The following ZFYVE16 variants were observed in gnomAD, a reference collection of about 807,000 sequenced individuals.
The protein encoded by ZFYVE16 is zinc finger FYVE domain-containing protein 16.
A neutral mutation model predicts 138.1 loss-of-function variants in ZFYVE16; 89 were observed. The observed-to-expected ratio is 0.64, with a 90% CI of 0.54 to 0.77. The LOEUF is 0.77. ZFYVE16 is among the 30% of genes least tolerant of loss of function. The pLI, the probability that ZFYVE16 is intolerant of heterozygous loss-of-function variation, is 0.00. For synonymous variants in ZFYVE16, 596 were observed against 618.3 expected (o/e 0.96, Z 0.53); for missense variants, 1,793 against 1,786.7 (o/e 1.00, Z -0.06).
intron 13 of ZFYVE16, 152 bp from the exon 14 acceptor site, chr5:80,456,793 A>AT: frequency 2.0e-6 from 2 of 1,014,124 alleles, no homozygotes; most frequent in Non-Finnish European, 2.8e-6. Context: ...AAGTGCTTTT[A>AT]TTTTAAAACA....
rs867871556 is a variant in ZFYVE16 at position 80,438,891 on chromosome 5, G to A, written c.2206G>A (p.Val736Ile). Residue 736 changes from valine to isoleucine, a missense_variant, in exon 4 of 19, where the codon GTT becomes ATT. Physicochemically the swap from Val to Ile is conservative, Grantham distance 29. Transcript: ENST00000505560. ...VPENTCKEGL[V>I]LGQKQPTWVP... Reference sequence around the variant, plus strand: ...TGAAAACACTTGCAAAGAAGGCTTGGTTTTGGGCCAGAAACAGCCTACTTG... The same window carrying A: ...TGAAAACACTTGCAAAGAAGGCTTGATTTTGGGCCAGAAACAGCCTACTTG... 1.9e-6 allele frequency: 3 copies of A among 1,614,056 alleles called. No individual in the cohort carries two copies. In the Middle Eastern group the frequency reaches 4.9e-4, roughly 266 times the overall value.
rs112502550 is a variant in ZFYVE16, at chr5:80,419,065, GT to G, written c.-93-8415del. ...GCTCCTTTGTCAAAGATCGGTGTGG[GT>G]TTTTTTTTTTTGGGGGGTCTTTTTT... On this transcript the variant is annotated intron_variant, in intron 1 of 18. Coordinates refer to ENST00000505560, the MANE Select transcript of ZFYVE16 (RefSeq NM_001284236.3). Among the ~76,000 whole-genome samples, 485 of 139,264 alleles carry G rather than the reference GT, an allele frequency of 3.5e-3. 1 individual carries two copies. The highest frequency in any genetic ancestry group is 0.011 in the African/African-American group (404 of 38,256). 91.4% of individuals were successfully genotyped at this position (139,264 alleles called of 152,430 possible).
chr5:80,449,484 T>G (rs1315552642), intron 8 of ZFYVE16, 107 bp from the exon 9 acceptor site: 3 of 1,199,692 alleles, frequency 2.5e-6, no homozygotes, highest in Admixed American at 2.6e-5. Flanking sequence ...TGCTTCTGTT[T>G]TTAAATTTGA....
intron 15 of ZFYVE16, among the ~76,000 whole-genome samples, chr5:80,465,400 GTTTTTTTTTT>G (rs3072097): frequency 0.026 from 689 of 26,810 alleles, 31 homozygotes; most frequent in African/African-American, 0.064. Flanking sequence ...CCTTTTCTTT[GTTTTTTTTTT>G]TTTTTTTTTT....
chr5:80,455,704 C>T lies in ZFYVE16; in HGVS notation c.3620C>T (p.Pro1207Leu), dbSNP rs1328264426. Residue 1207 changes from proline (P) to leucine (L), a missense_variant, in exon 12 of 19, where the codon CCT (proline) becomes CTT (leucine). Pro to Leu is a moderately conservative substitution (Grantham distance 98). Transcript: ENST00000505560. Reference protein sequence around the residue: ...LGAEYKAYPAPLTSIRGRKPL... With the variant: ...LGAEYKAYPALLTSIRGRKPL... ...TTCTTATGTATAGCATATCCTGCTCCTCTAACAAGCATCAGAGGCCGAAAA... is the reference window on the plus strand; with the variant it reads ...TTCTTATGTATAGCATATCCTGCTCTTCTAACAAGCATCAGAGGCCGAAAA... The T allele has an allele frequency of 6.2e-7, 1 of 1,601,944 alleles. No individual in the cohort carries two copies. Among genetic ancestry groups the T allele is most frequent in the Non-Finnish European group, 8.5e-7 (1 of 1,176,874 alleles).
At position 80,463,457 on chromosome 5, in the gene ZFYVE16, C is replaced by T. The variant is rs10155621; in HGVS notation, c.4024+3963C>T. 4.3e-3 allele frequency among the ~76,000 whole-genome samples: 662 copies of T among 152,332 alleles called. 7 individuals carry two copies. The highest frequency in any genetic ancestry group is 0.015 in the African/African-American group (643 of 41,578). On this transcript the variant is annotated intron_variant, in intron 15 of 18. Transcript: ENST00000505560. ...TGAGACTACACAAGGCAGCAAGACCCTGTACCTGGCCCACAAAACCATTTT... is the reference window on the plus strand; with the variant it reads ...TGAGACTACACAAGGCAGCAAGACCTTGTACCTGGCCCACAAAACCATTTT...
intron 1 of ZFYVE16, among the ~76,000 whole-genome samples, chr5:80,414,752 A>C (rs534103861): frequency 2.6e-5 from 4 of 152,298 alleles, no homozygotes; most frequent in African/African-American, 9.6e-5. Context: ...ATAATAAATA[A>C]ATTATACAAA....
chr5:80,436,527 T>C lies in ZFYVE16; in HGVS notation c.71-229T>C, dbSNP rs368174294. ...GGTCCCTGCACTTGTGACACTTACTTTCTAGTTAATTGAAACAGCCAATAA... is the reference window on the plus strand; with the variant it reads ...GGTCCCTGCACTTGTGACACTTACTCTCTAGTTAATTGAAACAGCCAATAA... On this transcript the variant is annotated intron_variant, in intron 3 of 18. Coordinates refer to ENST00000505560, the MANE Select transcript of ZFYVE16 (RefSeq NM_001284236.3). 1.1e-4 allele frequency among the ~76,000 whole-genome samples: 17 copies of C among 152,286 alleles called. 1 individual carries two copies. Among genetic ancestry groups the C allele is most frequent in the African/African-American group, 3.8e-4 (16 of 41,562 alleles).
intron 2 of ZFYVE16, among the ~76,000 whole-genome samples, chr5:80,429,519 G>A (rs563541961): frequency 3.3e-5 from 5 of 152,246 alleles, no homozygotes; most frequent in South Asian, 2.1e-4. Context: ...AAAGACCATC[G>A]ATGCTAGGAA....
At chr5:80,418,344 ACT>A (rs1414255763) in intron 1 of ZFYVE16, among the ~76,000 whole-genome samples, 1 of 116,118 alleles carries the variant, frequency 8.6e-6, no homozygotes, top group Non-Finnish European at 1.6e-5. Flanking sequence ...ACAGGGTCTG[ACT>A]CTGTTGCCTA....
chr5:80,443,089 T>G, intron 5 of ZFYVE16, 34 bp from the exon 6 acceptor site: 8 of 1,489,006 alleles, frequency 5.4e-6, no homozygotes, highest in Non-Finnish European at 7.1e-6. Context: ...CAAAAACATC[T>G]GAGATTTTAA....
At position 80,433,787 on chromosome 5, in the gene ZFYVE16, C is replaced by T. The variant is rs115928969; in HGVS notation, c.-39-322C>T. On this transcript the variant is annotated intron_variant, in intron 2 of 18. Coordinates refer to ENST00000505560, the MANE Select transcript of ZFYVE16 (RefSeq NM_001284236.3). Reference sequence around the variant, plus strand: ...AGTTTTTATGTGCATTATTTTTATGCGTTTGTAGTTTGATATGTTGTATTT... The same window carrying T: ...AGTTTTTATGTGCATTATTTTTATGTGTTTGTAGTTTGATATGTTGTATTT... Among the ~76,000 whole-genome samples, 292 of 151,442 alleles carry T rather than the reference C, an allele frequency of 1.9e-3. 2 individuals carry two copies. The highest frequency in any genetic ancestry group is 6.4e-3 in the African/African-American group (267 of 41,420).
In ZFYVE16 at chr5:80,436,745, C is replaced by G. The variant is rs746861949; in HGVS notation, c.71-11C>G. The G allele has an allele frequency of 3.8e-6, 6 of 1,591,760 alleles. No individual in the cohort carries two copies. The Admixed American group carries it at 1.1e-4, about 28-fold the overall frequency. The stretch of plus-strand genomic sequence containing the variant: ...TTAAGTCTCCCGAATAACACTGTTT[C>G]TCTATTTCAGATGAACAAGATTATC... On this transcript the variant is annotated splice_polypyrimidine_tract_variant and intron_variant, in intron 3 of 18. Coordinates refer to ENST00000505560, the MANE Select transcript of ZFYVE16 (RefSeq NM_001284236.3).
chr5:80,472,280 GA>G (rs1048117821), intron 15 of ZFYVE16, among the ~76,000 whole-genome samples: 6 of 151,380 alleles, frequency 4.0e-5, no homozygotes, highest in African/African-American at 1.5e-4. Flanking sequence ...TCACCTTGAA[GA>G]AATTATCCCC....
chr5:80,464,346 G>A (rs769308996), intron 15 of ZFYVE16, among the ~76,000 whole-genome samples: 2 of 152,118 alleles, frequency 1.3e-5, no homozygotes, highest in Admixed American at 6.6e-5. Context: ...AGGAAGAAGT[G>A]CTGAGCTAAG....
In ZFYVE16 at chr5:80,438,369, A is replaced by C; in HGVS notation, c.1684A>C (p.Asn562His). The stretch of plus-strand genomic sequence containing the variant: ...TGTAAATGACTCTAAATCGCAAATG[A>C]ATCAGATAGATATGAAAGGCTTAGA... ...ENVNDSKSQM[N>H]QIDMKGLDDG... The change falls in exon 4 of 19, where the codon AAT (asparagine) becomes CAT (histidine). Residue 562 changes from asparagine to histidine, a missense_variant. By Grantham distance (68) the Asn-to-His change is moderately conservative. Coordinates refer to ENST00000505560, the MANE Select transcript of ZFYVE16 (RefSeq NM_001284236.3). The C allele has an allele frequency of 6.2e-7, 1 of 1,613,774 alleles. No individual in the cohort carries two copies. The highest frequency in any genetic ancestry group is 8.5e-7 in the Non-Finnish European group (1 of 1,179,910).
At chr5:80,476,563 A>G (rs1754931623) in intron 18 of ZFYVE16, among the ~76,000 whole-genome samples, 1 of 152,242 alleles carries the variant, frequency 6.6e-6, no homozygotes, top group Admixed American at 6.5e-5. Flanking sequence ...TCTTTCTGAC[A>G]TCCAGGTAAC....
At chr5:80,416,533 G>T (rs2112174352) in intron 1 of ZFYVE16, among the ~76,000 whole-genome samples, 1 of 150,036 alleles carries the variant, frequency 6.7e-6, no homozygotes, top group African/African-American at 2.4e-5. Flanking sequence ...GGGATTACAG[G>T]CGAGAGACAC....
At chr5:80,436,369 T>A (rs1211124989) in intron 3 of ZFYVE16, among the ~76,000 whole-genome samples, 1 of 152,150 alleles carries the variant, frequency 6.6e-6, no homozygotes, top group East Asian at 1.9e-4. Context: ...GACATCAAAT[T>A]ATCAGAGCAA....
Sources: allele counts gnomAD v4.1 joint callset (sites outside exome capture counted in the v4.1 genomes callset), GRCh38; gene constraint gnomAD v4.1.1; transcripts MANE v1.5; gene names NCBI Gene and HGNC (gene_info 2026-07-23, HGNC 2026-07-21).